Variants in TMX2 observed in about 807,000 individuals in gnomAD.
The protein encoded by TMX2 is thioredoxin related transmembrane protein 2.
TMX2 carries 20 observed loss-of-function variants against 33.4 expected under a neutral mutation model. That is an observed-to-expected ratio of 0.60 (90% CI 0.42 to 0.87). The LOEUF is 0.87. Ranked by LOEUF, TMX2 falls within the 40% of genes least tolerant of loss-of-function variation. The pLI is 0.00. For missense variants in TMX2, 340 were observed against 370.7 expected (o/e 0.92, Z 0.68); for synonymous variants, 166 against 140.7 (o/e 1.18, Z -1.27).
chr11:57,735,779 A>T (rs890598789), intron 1 of TMX2, among the ~76,000 whole-genome samples: 1 of 152,222 alleles, frequency 6.6e-6, no homozygotes, highest in Non-Finnish European at 1.5e-5. Context: ...AATGTTAACC[A>T]TGATCTGAGG....
intron 1 of TMX2, among the ~76,000 whole-genome samples, chr11:57,734,517 G>GCAGGTGGA (rs1306514897): frequency 6.6e-6 from 1 of 152,102 alleles, no homozygotes; most frequent in African/African-American, 2.4e-5. Context: ...GGAGGCCGAA[G>GCAGGTGGA]CAGGTGGATC....
chr11:57,733,805 C>T (rs1948555942), intron 1 of TMX2, among the ~76,000 whole-genome samples: 1 of 152,074 alleles, frequency 6.6e-6, no homozygotes, highest in South Asian at 2.1e-4. Context: ...CATCCTAGAA[C>T]CCAAGGCTCA....
chr11:57,715,734 C>G (rs1335101723), intron 1 of TMX2, among the ~76,000 whole-genome samples: 1 of 151,772 alleles, frequency 6.6e-6, no homozygotes, highest in African/African-American at 2.4e-5. Context: ...CTGCCGCCTT[C>G]CGCAGTGTTT....
At chr11:57,735,840 CTA>C (rs971183927) in intron 1 of TMX2, among the ~76,000 whole-genome samples, 5 of 152,208 alleles carry the variant, frequency 3.3e-5, no homozygotes, top group East Asian at 3.8e-4. Context: ...GACACAGAAA[CTA>C]TGCATTCTCC....
At chr11:57,736,637 C>T (rs1166273006) in intron 1 of TMX2, among the ~76,000 whole-genome samples, 1 of 151,946 alleles carries the variant, frequency 6.6e-6, no homozygotes, top group African/African-American at 2.4e-5. Context: ...CCTGTAATCC[C>T]AGCACTTTAG....
At chr11:57,715,489 A>G (rs1049383909) in intron 1 of TMX2, among the ~76,000 whole-genome samples, 3 of 150,430 alleles carry the variant, frequency 2.0e-5, no homozygotes, top group African/African-American at 7.3e-5. Flanking sequence ...AGCTGATTTT[A>G]ATAAACTTTA....
intron 1 of TMX2, among the ~76,000 whole-genome samples, chr11:57,715,493 A>G (rs889372686): frequency 6.6e-6 from 1 of 150,482 alleles, no homozygotes; most frequent in East Asian, 1.9e-4. Context: ...GATTTTAATA[A>G]ACTTTACAAA....
intron 1 of TMX2, among the ~76,000 whole-genome samples, chr11:57,735,322 C>T (rs1230562074): frequency 1.3e-5 from 2 of 151,776 alleles, no homozygotes; most frequent in Non-Finnish European, 2.9e-5. Flanking sequence ...GATTCTTCTG[C>T]CTCAGCCTCC....
chr11:57,718,812 C>T (rs922494305), intron 1 of TMX2, among the ~76,000 whole-genome samples: 2 of 150,942 alleles, frequency 1.3e-5, no homozygotes, highest in Non-Finnish European at 1.5e-5. Flanking sequence ...CCTGCCACCA[C>T]GTCTGGCTAA....
Position 57,712,693 on chromosome 11 carries a change from C to T in TMX2, c.75C>T (p.Tyr25=). The change falls in exon 1 of 8, where the codon TAC becomes TAT. Residue 25 remains tyrosine (Y), a synonymous_variant. Transcript: ENST00000278422. ...TTTCACGATGGCTCGCCCAACCTTA[C>T]TACCTTCTGTCGGCCCTGCTCTCTG... ...PRLSRWLAQP[Y]YLLSALLSAA... 1 of 1,614,224 alleles carries T rather than the reference C, an allele frequency of 6.2e-7. No individual in the cohort carries two copies. Among genetic ancestry groups the T allele is most frequent in the Non-Finnish European group, 8.5e-7 (1 of 1,180,036 alleles).
intron 1 of TMX2, among the ~76,000 whole-genome samples, chr11:57,726,406 C>T (rs1388582118): frequency 6.6e-6 from 1 of 151,840 alleles, no homozygotes; most frequent in African/African-American, 2.4e-5. Context: ...GAGCCAGACT[C>T]CATCTCCATA....
intron 7 of TMX2, 150 bp from the exon 8 acceptor site, chr11:57,739,948 TG>T: frequency 2.0e-6 from 2 of 984,402 alleles, no homozygotes; most frequent in Non-Finnish European, 3.0e-6. Flanking sequence ...TTGACTTTTC[TG>T]GGTACCTAAA....
At position 57,725,052 on chromosome 11, in the gene TMX2, A is replaced by AG. The variant is rs1191514181; in HGVS notation, c.189+12245_189+12246insG. Among the ~76,000 whole-genome samples, 142 of 150,892 alleles carry AG rather than the reference A, an allele frequency of 9.4e-4. 1 individual carries two copies. Among genetic ancestry groups the AG allele is most frequent in the African/African-American group, 3.3e-3 (133 of 40,568 alleles). ...AGACTGTGTCTCAAAAAAAAAAAAAAAAAGAAAGAAAAGAAAAGAAAATGG... is the reference window on the plus strand; with the variant it reads ...AGACTGTGTCTCAAAAAAAAAAAAAAGAAAGAAAGAAAAGAAAAGAAAATGG... On this transcript the variant is annotated intron_variant, in intron 1 of 7. Coordinates refer to ENST00000278422, the MANE Select transcript of TMX2 (RefSeq NM_015959.4).
chr11:57,717,409 C>T (rs1947199234), intron 1 of TMX2, among the ~76,000 whole-genome samples: 2 of 151,820 alleles, frequency 1.3e-5, no homozygotes, highest in South Asian at 2.1e-4. Flanking sequence ...CCAGCCTGGG[C>T]ACCATTGAGC....
At chr11:57,717,196 A>G (rs1363598977) in intron 1 of TMX2, among the ~76,000 whole-genome samples, 1 of 150,840 alleles carries the variant, frequency 6.6e-6, no homozygotes, top group African/African-American at 2.4e-5. Flanking sequence ...GCGGCCGGGC[A>G]GAGACGCTCC....
chr11:57,718,599 T>C, intron 1 of TMX2: 1 of 532,802 alleles, frequency 1.9e-6, no homozygotes. Flanking sequence ...ATCTGTTTAG[T>C]TTTATCTATA....
At position 57,712,768 on chromosome 11, in the gene TMX2, C is replaced by T. The variant is rs1469587764; in HGVS notation, c.150C>T (p.Pro50=). ...RKLPPLCHGL[P]TQREDGNPCD... is the part of the protein sequence containing the mutation. ...TGCCGCCGCTCTGCCACGGTCTGCC[C>T]ACCCAACGCGAAGACGGTAACCCGT... The change falls in exon 1 of 8, where the codon CCC becomes CCT. Residue 50 remains proline (P), a synonymous_variant. Coordinates refer to ENST00000278422, the MANE Select transcript of TMX2 (RefSeq NM_015959.4). 6.8e-6 allele frequency: 11 copies of T among 1,614,166 alleles called. No individual in the cohort carries two copies. Among genetic ancestry groups the T allele is most frequent in the African/African-American group, 1.3e-5 (1 of 75,072 alleles).
intron 1 of TMX2, among the ~76,000 whole-genome samples, chr11:57,715,451 A>G (rs1946914139): frequency 6.7e-6 from 1 of 149,934 alleles, no homozygotes. Flanking sequence ...TATATAATAT[A>G]TATGTATTAA....
chr11:57,712,733 G>A lies in TMX2; in HGVS notation c.115G>A (p.Val39Met), dbSNP rs751433644. The change falls in exon 1 of 8, where the codon GTG becomes ATG. Residue 39 changes from valine to methionine, a missense_variant. Val to Met is a conservative substitution (Grantham distance 21). This residue lies in a region of TMX2 where 106 missense variants were observed against 82.7 expected (regional missense o/e 1.28). Transcript: ENST00000278422. ...SALLSAAFLL[V>M]RKLPPLCHGL... ...CCTGCTCTCTGCTGCCTTCCTACTC[G>A]TGAGGAAACTGCCGCCGCTCTGCCA... The A allele has an allele frequency of 1.9e-6, 3 of 1,613,964 alleles. No homozygotes were observed. The highest frequency in any genetic ancestry group is 2.2e-5 in the East Asian group (1 of 44,892).
Sources: allele counts gnomAD v4.1 joint callset (sites outside exome capture counted in the v4.1 genomes callset), GRCh38; gene constraint gnomAD v4.1.1; regional missense constraint gnomAD v4.1.1; transcripts MANE v1.5; gene names NCBI Gene and HGNC (gene_info 2026-07-23, HGNC 2026-07-21).